The following RPGR variants were observed in gnomAD, a reference collection of about 807,000 sequenced individuals.
RPGR encodes X-linked retinitis pigmentosa GTPase regulator.
A neutral mutation model predicts 56.3 loss-of-function variants in RPGR; 10 were observed. That is an observed-to-expected ratio of 0.18 (90% CI 0.11 to 0.30). RPGR has a LOEUF of 0.30. Ranked by LOEUF, RPGR falls within the 10% of genes least tolerant of loss-of-function variation. The probability of loss-of-function intolerance (pLI) is 1.00; values close to 1 mark genes in which losing one functional copy is unlikely to be tolerated. For missense variants in RPGR, 538 were observed against 590.9 expected, an observed-to-expected ratio of 0.91 and a Z score of 0.93; for synonymous variants, 197 against 212.9, an observed-to-expected ratio of 0.93 and a Z score of 0.65.
chrX:38,300,241 C>T (rs2067478159), intron 9 of RPGR, among the ~76,000 whole-genome samples: 1 of 111,225 alleles, frequency 9.0e-6, no homozygotes, highest in Non-Finnish European at 1.9e-5. Flanking sequence ...TGAGCCACCG[C>T]GCCCGACCAG....
chrX:38,319,990 T>A (rs12690238), intron 4 of RPGR, among the ~76,000 whole-genome samples: 16,865 of 111,207 alleles, frequency 0.15, 1,286 homozygotes, highest in East Asian at 0.57. Flanking sequence ...CAAGACTAGC[T>A]TTCAAATGGA....
chrX:38,325,200 C>T (rs1045326920), intron 1 of RPGR, among the ~76,000 whole-genome samples: 1 of 106,657 alleles, frequency 9.4e-6, no homozygotes, highest in African/African-American at 3.4e-5. Flanking sequence ...AAAGTCACTG[C>T]TTTTCTGTGT....
intron 9 of RPGR, among the ~76,000 whole-genome samples, chrX:38,299,527 C>T (rs2067460685): frequency 1.8e-5 from 2 of 111,623 alleles, no homozygotes; most frequent in South Asian, 7.4e-4. Context: ...AGAAGTTCTA[C>T]TAGAAGATTT....
chrX:38,273,459 GCAT>G lies in RPGR; in HGVS notation c.2165_2167del (p.Asp722del), dbSNP rs1378245501. The G allele has an allele frequency of 8.4e-7, 1 of 1,193,570 alleles. No individual in the cohort carries two copies. The highest frequency in any genetic ancestry group is 1.1e-6 in the Non-Finnish European group (1 of 882,887). On this transcript the variant is annotated inframe_deletion, in exon 18 of 19. Coordinates refer to ENST00000642395, the MANE Select transcript of RPGR (RefSeq NM_000328.3). ...TAGGATTTCTAATGAACTGCTATCT[GCAT>G]CATCAAGCATGTATCCTACAATTGG...
intron 14 of RPGR, 183 bp from the exon 15 acceptor site, chrX:38,287,428 T>A: frequency 1.4e-6 from 1 of 697,735 alleles, no homozygotes; most frequent in Non-Finnish European, 2.3e-6. Flanking sequence ...CTGGAATCCA[T>A]CAGCTATACC....
At position 38,327,384 on chromosome X, in the gene RPGR, G is replaced by A; in HGVS notation, c.-17C>T. The A allele has an allele frequency of 1.7e-6, 2 of 1,180,809 alleles. No homozygotes were observed. The highest frequency in any genetic ancestry group is 2.3e-6 in the Non-Finnish European group (2 of 880,275). ...CTCCCTCATGCCACGGGCAGTACGG[G>A]CAGCCTGCGCCGGGGCCAGGAGGCT... On this transcript the variant is annotated 5_prime_UTR_variant, in exon 1 of 19. Transcript: ENST00000642395.
chrX:38,275,046 T>C (rs750993850), intron 17 of RPGR: 1 of 960,006 alleles, frequency 1.0e-6, no homozygotes, highest in South Asian at 2.0e-5. Flanking sequence ...TATATGTGTG[T>C]ATGTATGTAT....
intron 11 of RPGR, among the ~76,000 whole-genome samples, chrX:38,296,500 A>G (rs1005795857): frequency 4.5e-5 from 5 of 111,535 alleles, no homozygotes; most frequent in African/African-American, 1.3e-4. Context: ...TAGAATAGGT[A>G]TAGAATAGTG....
intron 15 of RPGR, chrX:38,286,191 T>G: frequency 5.5e-6 from 2 of 362,887 alleles, no homozygotes; most frequent in East Asian, 1.5e-4. Context: ...CCCCTTCTCC[T>G]TCCTCCTCTT....
chrX:38,320,073 GA>G (rs2067903274), intron 4 of RPGR, among the ~76,000 whole-genome samples: 1 of 111,936 alleles, frequency 8.9e-6, no homozygotes, highest in Non-Finnish European at 1.9e-5. Flanking sequence ...GTGAGATGCT[GA>G]AATAATTCAA....
intron 7 of RPGR, chrX:38,308,279 G>A (rs1041616136): frequency 8.9e-6 from 1 of 111,849 alleles, no homozygotes; most frequent in East Asian, 2.8e-4. Flanking sequence ...TGTGAGATCC[G>A]TAAGCTTGCA....
In RPGR at chrX:38,291,236, T is replaced by C. The variant is rs749364452; in HGVS notation, c.1506+157A>G. 3.1e-4 allele frequency among the ~76,000 whole-genome samples: 34 copies of C among 109,052 alleles called. No individual in the cohort carries two copies. In the South Asian group the frequency reaches 0.012, roughly 40 times the overall value. The allele number at this position is 109,052 out of a possible 115,157, so 94.7% of individuals were successfully genotyped here. A position where few individuals can be genotyped will look rare whatever the true frequency, so the allele number is the denominator to read the frequency against. ...GAGGATCAAAACAAATTTTATTGTA[T>C]GTGAATTATACCTCAATATAGTTGG... On this transcript the variant is annotated intron_variant, in intron 12 of 18. Coordinates refer to ENST00000642395, the MANE Select transcript of RPGR (RefSeq NM_000328.3).
At chrX:38,301,846 G>A (rs773957697) in intron 8 of RPGR, among the ~76,000 whole-genome samples, 15 of 110,822 alleles carry the variant, frequency 1.4e-4, no homozygotes, top group African/African-American at 4.9e-4. Flanking sequence ...GTGCACTGTA[G>A]GATGTTCAGC....
chrX:38,307,776 G>A (rs183295505), intron 7 of RPGR, among the ~76,000 whole-genome samples: 6 of 111,975 alleles, frequency 5.4e-5, no homozygotes, highest in Admixed American at 9.5e-5. Context: ...CAGGTCCATG[G>A]AGAAATGTGA....
At chrX:38,316,496 T>C (rs1225833881) in intron 6 of RPGR, among the ~76,000 whole-genome samples, 8 of 112,178 alleles carry the variant, frequency 7.1e-5, no homozygotes, top group Non-Finnish European at 1.1e-4. Context: ...CATTTGTGTT[T>C]TTGTTTCATG....
intron 6 of RPGR, among the ~76,000 whole-genome samples, chrX:38,315,836 T>C (rs188410144): frequency 1.6e-4 from 14 of 86,903 alleles, no homozygotes; most frequent in Non-Finnish European, 2.9e-4. Flanking sequence ...TATATATATA[T>C]ATAGAGAGAG....
At chrX:38,283,820 G>C (rs941052078) in intron 15 of RPGR, among the ~76,000 whole-genome samples, 1 of 111,589 alleles carries the variant, frequency 9.0e-6, no homozygotes, top group Non-Finnish European at 1.9e-5. Flanking sequence ...CATTTCCCTG[G>C]AGGTTTTTTT....
At chrX:38,321,213 T>A in intron 3 of RPGR, 124 bp from the exon 4 acceptor site, 1 of 564,670 alleles carries the variant, frequency 1.8e-6, no homozygotes, top group Non-Finnish European at 3.0e-6. Context: ...CCAAAGTCAA[T>A]GTTCTTAACG....
At chrX:38,289,586 G>C (rs2067248756) in intron 13 of RPGR, among the ~76,000 whole-genome samples, 1 of 112,198 alleles carries the variant, frequency 8.9e-6, no homozygotes, top group Non-Finnish European at 1.9e-5. Context: ...TTAGGCCTAG[G>C]AAGAGGTTCC....
Sources: gnomAD v4.1 joint callset for allele counts (sites outside exome capture counted in the v4.1 genomes callset) on GRCh38, gnomAD v4.1.1 for gene constraint, MANE v1.5 for transcripts, NCBI Gene and HGNC (gene_info 2026-07-23, HGNC 2026-07-21) for gene names.